Variants in TMC1 observed in about 807,000 individuals in gnomAD.
The protein encoded by TMC1 is transmembrane channel-like protein 1.
A neutral mutation model predicts 105.8 loss-of-function variants in TMC1; 84 were observed. The ratio of observed to expected loss-of-function variants is 0.79; its 90% CI spans 0.67 to 0.95. The LOEUF (loss-of-function observed/expected upper bound fraction) is 0.95, where lower values mean the gene tolerates loss of function less well. Ranked by LOEUF, TMC1 falls within the 40% of genes least tolerant of loss-of-function variation. The pLI is 0.00. For missense variants in TMC1, 817 were observed against 914.1 expected, an observed-to-expected ratio of 0.89 and a Z score of 1.37; for synonymous variants, 315 against 311.5, an observed-to-expected ratio of 1.01 and a Z score of -0.12.
intron 17 of TMC1, among the ~76,000 whole-genome samples, chr9:72,792,746 C>T (rs72733080): frequency 0.092 from 14,060 of 152,168 alleles, 712 homozygotes; most frequent in Non-Finnish European, 0.13. Flanking sequence ...CAAACAAAAA[C>T]AGAGTCTTGG....
chr9:72,702,899 G>A (rs1348028145), intron 8 of TMC1, among the ~76,000 whole-genome samples: 1 of 152,032 alleles, frequency 6.6e-6, no homozygotes, highest in African/African-American at 2.4e-5. Flanking sequence ...ATTAGCATTG[G>A]AAAGAAGGAC....
chr9:72,836,221 T>A lies in TMC1; in HGVS notation c.*248T>A. ...TCTCTCCCCTGCTCCATTTCGTGAC[T>A]TTTTTTTTTTTTTTAACAAATTGAG... On this transcript the variant is annotated 3_prime_UTR_variant, in exon 24 of 24. Coordinates refer to ENST00000297784, the MANE Select transcript of TMC1 (RefSeq NM_138691.3). The A allele has an allele frequency of 1.3e-5, 2 of 151,804 alleles. No individual in the cohort carries two copies. Among genetic ancestry groups the A allele is most frequent in the Non-Finnish European group, 2.7e-5 (2 of 73,584 alleles). The allele number at this position is 151,804 out of a possible 1,614,324, so 9.4% of individuals were successfully genotyped here.
At chr9:72,577,293 C>T (rs1270671259) in intron 1 of TMC1, among the ~76,000 whole-genome samples, 1 of 152,098 alleles carries the variant, frequency 6.6e-6, no homozygotes, top group African/African-American at 2.4e-5. Context: ...AATCACTCTG[C>T]GAGTTGTTAG....
chr9:72,578,797 C>CT (rs1471976541), intron 2 of TMC1, among the ~76,000 whole-genome samples: 1 of 152,192 alleles, frequency 6.6e-6, no homozygotes, highest in Non-Finnish European at 1.5e-5. Context: ...CACCCGCAGC[C>CT]TTTCTCAATT....
intron 5 of TMC1, among the ~76,000 whole-genome samples, chr9:72,687,885 A>G (rs949520028): frequency 6.6e-6 from 1 of 152,174 alleles, no homozygotes; most frequent in Non-Finnish European, 1.5e-5. Flanking sequence ...GATTATTAAG[A>G]AATATTTTAA....
chr9:72,619,082 A>G (rs1279491325), intron 3 of TMC1, among the ~76,000 whole-genome samples: 1 of 152,188 alleles, frequency 6.6e-6, no homozygotes, highest in Non-Finnish European at 1.5e-5. Flanking sequence ...ACATACAAAA[A>G]GTTCCTGGAA....
At chr9:72,678,426 A>G (rs1588027111) in intron 5 of TMC1, among the ~76,000 whole-genome samples, 1 of 152,128 alleles carries the variant, frequency 6.6e-6, no homozygotes, top group Non-Finnish European at 1.5e-5. Flanking sequence ...ATTCAGACTC[A>G]TGCTTACGGG....
At chr9:72,720,198 A>T (rs912531531) in intron 8 of TMC1, among the ~76,000 whole-genome samples, 1 of 152,218 alleles carries the variant, frequency 6.6e-6, no homozygotes, top group African/African-American at 2.4e-5. Flanking sequence ...TTAATAAGTG[A>T]TAGATCCACA....
At chr9:72,676,077 A>G (rs946105830) in intron 5 of TMC1, among the ~76,000 whole-genome samples, 3 of 152,206 alleles carry the variant, frequency 2.0e-5, no homozygotes, top group Non-Finnish European at 2.9e-5. Flanking sequence ...GGGGAAGCAT[A>G]CCATTGGCTA....
chr9:72,533,992 G>A (rs1376122620), intron 1 of TMC1, among the ~76,000 whole-genome samples: 1 of 152,052 alleles, frequency 6.6e-6, no homozygotes, highest in African/African-American at 2.4e-5. Context: ...AATTAGCCGG[G>A]TGTGATGGTG....
Position 72,830,691 on chromosome 9 carries a change from T to C in TMC1, c.2260+9T>C. 1 of 1,611,232 alleles carries C rather than the reference T, an allele frequency of 6.2e-7. No individual in the cohort carries two copies. Among genetic ancestry groups the C allele is most frequent in the Non-Finnish European group, 8.5e-7 (1 of 1,178,342 alleles). On this transcript the variant is annotated intron_variant, in intron 23 of 23. Transcript: ENST00000297784. ...GGCAGCTGCACGAGCAGGTTGGAGATACGTTTATGTTTGTAATGTTTGTAA... is the reference window on the plus strand; with the variant it reads ...GGCAGCTGCACGAGCAGGTTGGAGACACGTTTATGTTTGTAATGTTTGTAA...
Position 72,810,218 on chromosome 9 carries a change from A to T in TMC1, c.1695+4708A>T, listed in dbSNP as rs1462087209. 2.6e-5 allele frequency among the ~76,000 whole-genome samples: 4 copies of T among 152,078 alleles called. No homozygotes were observed. In the East Asian group the frequency reaches 7.7e-4, roughly 29 times the overall value. On this transcript the variant is annotated intron_variant, in intron 18 of 23. Coordinates refer to ENST00000297784, the MANE Select transcript of TMC1 (RefSeq NM_138691.3). Reference sequence around the variant, plus strand: ...AAGAATGTTTCTCTGCTATTCTCCTAGACCTGCTAATCAATAATATGGTTT... The same window carrying T: ...AAGAATGTTTCTCTGCTATTCTCCTTGACCTGCTAATCAATAATATGGTTT...
At chr9:72,708,495 T>TAATCCCAA (rs761084291) in intron 8 of TMC1, among the ~76,000 whole-genome samples, 11 of 148,184 alleles carry the variant, frequency 7.4e-5, no homozygotes, top group African/African-American at 7.6e-5. Flanking sequence ...TGGTTAGGTA[T>TAATCCCAA]AATCCCAAGT....
At chr9:72,606,195 T>C (rs1824909347) in intron 2 of TMC1, among the ~76,000 whole-genome samples, 1 of 152,168 alleles carries the variant, frequency 6.6e-6, no homozygotes, top group Non-Finnish European at 1.5e-5. Context: ...GTGTAGTTGT[T>C]GGCAGGCCTC....
intron 5 of TMC1, among the ~76,000 whole-genome samples, chr9:72,654,306 T>A (rs1217602374): frequency 6.6e-6 from 1 of 152,232 alleles, no homozygotes; most frequent in Non-Finnish European, 1.5e-5. Flanking sequence ...TTTAGCCTTT[T>A]GAGAAAATGT....
chr9:72,788,738 A>C (rs182314474), intron 14 of TMC1, among the ~76,000 whole-genome samples: 37 of 152,326 alleles, frequency 2.4e-4, no homozygotes, highest in African/African-American at 8.7e-4. Flanking sequence ...TTGAAATAGG[A>C]CCATGAGTAA....
intron 1 of TMC1, among the ~76,000 whole-genome samples, chr9:72,567,552 G>C (rs1465924344): frequency 2.6e-5 from 4 of 152,118 alleles, no homozygotes; most frequent in African/African-American, 9.7e-5. Flanking sequence ...ACGGGGTGGC[G>C]GGAGAGAGAA....
chr9:72,779,260 G>A (rs1828054021), intron 13 of TMC1, among the ~76,000 whole-genome samples: 2 of 152,094 alleles, frequency 1.3e-5, no homozygotes, highest in Admixed American at 6.5e-5. Context: ...AACCTCAAAG[G>A]CATCAAAGAA....
At chr9:72,769,527 A>G (rs1024673431) in intron 12 of TMC1, among the ~76,000 whole-genome samples, 15 of 152,162 alleles carry the variant, frequency 9.9e-5, no homozygotes, top group Admixed American at 2.6e-4. Context: ...TCCATGCTCT[A>G]CTGTCAAATC....
Sources: gnomAD v4.1 joint callset for allele counts (sites outside exome capture counted in the v4.1 genomes callset) on GRCh38, gnomAD v4.1.1 for gene constraint, MANE v1.5 for transcripts, NCBI Gene and HGNC (gene_info 2026-07-23, HGNC 2026-07-21) for gene names.